The following AGBL1 variants were observed in gnomAD, a reference collection of about 807,000 sequenced individuals.
The protein encoded by AGBL1 is cytosolic carboxypeptidase 4.
A neutral mutation model predicts 118.9 loss-of-function variants in AGBL1; 130 were observed. The observed-to-expected ratio is 1.09, with a 90% confidence interval of 0.95 to 1.26. The LOEUF is 1.26. Ranked by LOEUF, AGBL1 falls within the 50% of genes most tolerant of loss-of-function variation. The pLI, the probability that AGBL1 is intolerant of heterozygous loss-of-function variation, is 0.00. For synonymous variants in AGBL1, 555 were observed against 478.9 expected (o/e 1.16, Z -2.08); for missense variants, 1,584 against 1,298.1 (o/e 1.22, Z -3.38).
intron 1 of AGBL1, among the ~76,000 whole-genome samples, chr15:86,104,457 G>T (rs1358440501): frequency 1.3e-5 from 2 of 152,204 alleles, no homozygotes; most frequent in Non-Finnish European, 2.9e-5. Flanking sequence ...GTGCACAGTG[G>T]CTCTGCTGCT....
At chr15:86,313,620 C>G (rs1456609760) in intron 17 of AGBL1, among the ~76,000 whole-genome samples, 1 of 152,164 alleles carries the variant, frequency 6.6e-6, no homozygotes, top group East Asian at 1.9e-4. Flanking sequence ...AACAGTTCAG[C>G]CTGGCAATCA....
intron 21 of AGBL1, among the ~76,000 whole-genome samples, chr15:86,555,040 G>A (rs906203880): frequency 1.3e-5 from 2 of 152,170 alleles, no homozygotes; most frequent in Admixed American, 6.5e-5. Flanking sequence ...TGTGCATGGC[G>A]TGGGTCTCCC....
At chr15:86,990,996 G>A (rs1251410365) in intron 24 of AGBL1, among the ~76,000 whole-genome samples, 2 of 152,218 alleles carry the variant, frequency 1.3e-5, no homozygotes, top group Non-Finnish European at 2.9e-5. Context: ...TGAGAATAGT[G>A]AAGGAGGGGT....
In AGBL1 at chr15:86,757,615, A is replaced by G. The variant is rs532232593; in HGVS notation, c.3158+83179A>G. Among the ~76,000 whole-genome samples, 4 of 152,218 alleles carry G rather than the reference A, an allele frequency of 2.6e-5. No homozygotes were observed. The East Asian group carries it at 7.7e-4, about 29-fold the overall frequency. ...CTGGAGTGTTCTTGGAAAACAGAAA[A>G]GAAAATGGATATGTTTAAATGACAA... On this transcript the variant is annotated intron_variant, in intron 22 of 22. Coordinates refer to ENST00000614907, the MANE Select transcript of AGBL1 (RefSeq NM_001386094.1).
chr15:86,113,938 T>C (rs1220804436), intron 1 of AGBL1, among the ~76,000 whole-genome samples: 1 of 152,218 alleles, frequency 6.6e-6, no homozygotes, highest in Non-Finnish European at 1.5e-5. Context: ...TGCTGTGTGT[T>C]ATATTGGTTC....
chr15:86,916,615 T>C (rs1254497561), downstream of AGBL1, among the ~76,000 whole-genome samples: 1 of 152,212 alleles, frequency 6.6e-6, no homozygotes, highest in Non-Finnish European at 1.5e-5. Context: ...AGGTTTAGGC[T>C]CTGGCTCGGT....
At chr15:86,943,699 T>C (rs184337265) in intron 23 of AGBL1, among the ~76,000 whole-genome samples, 1 of 152,336 alleles carries the variant, frequency 6.6e-6, no homozygotes, top group Non-Finnish European at 1.5e-5. Flanking sequence ...ATGTTGAATA[T>C]ACCTGGCTTC....
chr15:86,201,828 G>T (rs1489720328), intron 5 of AGBL1, among the ~76,000 whole-genome samples: 1 of 152,140 alleles, frequency 6.6e-6, no homozygotes, highest in African/African-American at 2.4e-5. Flanking sequence ...TCAGTAGGCC[G>T]CACGGATTTA....
chr15:86,998,937 T>C (rs1029208895), intron 24 of AGBL1, among the ~76,000 whole-genome samples: 2 of 151,252 alleles, frequency 1.3e-5, no homozygotes, highest in African/African-American at 4.9e-5. Flanking sequence ...TATGTATACA[T>C]GTGCCATGTT....
intron 5 of AGBL1, among the ~76,000 whole-genome samples, chr15:86,220,690 T>G (rs1187175420): frequency 6.6e-6 from 1 of 152,228 alleles, no homozygotes; most frequent in Non-Finnish European, 1.5e-5. Flanking sequence ...GGTTCCACTT[T>G]GCCTTTGGCT....
intron 21 of AGBL1, among the ~76,000 whole-genome samples, chr15:86,575,836 G>A (rs28499511): frequency 0.021 from 3,239 of 152,230 alleles, 124 homozygotes; most frequent in African/African-American, 0.072. Context: ...AGCTCAAGCA[G>A]TCCTCCCACC....
At chr15:86,813,487 C>A (rs1419312019) in intron 22 of AGBL1, among the ~76,000 whole-genome samples, 1 of 152,300 alleles carries the variant, frequency 6.6e-6, no homozygotes, top group Non-Finnish European at 1.5e-5. Context: ...CTGGAGCATT[C>A]TTTTCCTGTC....
intron 1 of AGBL1, among the ~76,000 whole-genome samples, chr15:86,100,307 T>A (rs530243186): frequency 1.3e-5 from 2 of 152,204 alleles, no homozygotes; most frequent in South Asian, 4.1e-4. Flanking sequence ...GTTGAGTCTT[T>A]GTCAGGTTTT....
chr15:86,824,330 C>G (rs889520371), intron 22 of AGBL1, among the ~76,000 whole-genome samples: 4 of 151,930 alleles, frequency 2.6e-5, no homozygotes, highest in Non-Finnish European at 5.9e-5. Flanking sequence ...AATATAATAC[C>G]ATTTATAATT....
intron 17 of AGBL1, among the ~76,000 whole-genome samples, chr15:86,359,522 C>T (rs912756701): frequency 1.1e-4 from 16 of 148,048 alleles, no homozygotes; most frequent in Non-Finnish European, 1.5e-5. Flanking sequence ...TTTCTCTATT[C>T]ACAGTCTTTT....
At chr15:86,558,197 G>T (rs1203522984) in intron 21 of AGBL1, among the ~76,000 whole-genome samples, 1 of 151,966 alleles carries the variant, frequency 6.6e-6, no homozygotes, top group Non-Finnish European at 1.5e-5. Context: ...TAGATGCTGC[G>T]GTCCACCCTC....
intron 22 of AGBL1, among the ~76,000 whole-genome samples, chr15:86,769,249 C>T (rs1734131648): frequency 1.4e-5 from 2 of 143,166 alleles, no homozygotes; most frequent in Admixed American, 1.4e-4. Context: ...AGAGATATTC[C>T]ATTTTTATTC....
At chr15:86,332,407 G>A (rs1295483221) in intron 17 of AGBL1, among the ~76,000 whole-genome samples, 1 of 152,110 alleles carries the variant, frequency 6.6e-6, no homozygotes, top group Admixed American at 6.5e-5. Flanking sequence ...AGCACTTTGG[G>A]AGGCTGAGGT....
chr15:86,080,190 A>G (rs1413529202), intron 1 of AGBL1, 167 bp downstream of exon 1: 3 of 418,596 alleles, frequency 7.2e-6, no homozygotes, highest in Non-Finnish European at 1.2e-5. Context: ...AAGTGATGCT[A>G]TGGAATTCAA....
Sources: allele counts gnomAD v4.1 joint callset (sites outside exome capture counted in the v4.1 genomes callset), GRCh38; gene constraint gnomAD v4.1.1; transcripts MANE v1.5; gene names NCBI Gene and HGNC (gene_info 2026-07-23, HGNC 2026-07-21).